SLC25A12: variants seen among roughly 807,000 people sequenced by gnomAD.
SLC25A12 encodes the protein solute carrier family 25 member 12.
In SLC25A12, 32 loss-of-function variants were observed where a neutral mutation model predicts 83.3. The ratio of observed to expected loss-of-function variants is 0.38; its 90% CI spans 0.29 to 0.52. SLC25A12 has a LOEUF of 0.52. SLC25A12 is among the 20% of genes least tolerant of loss of function. The pLI is 0.84. For synonymous variants in SLC25A12, 267 were observed against 291.1 expected (o/e 0.92, Z 0.84); for missense variants, 611 against 835.6 (o/e 0.73, Z 3.31).
intron 17 of SLC25A12, among the ~76,000 whole-genome samples, 188 bp from the exon 18 acceptor site, chr2:171,785,663 T>C (rs1304425674): frequency 6.6e-6 from 1 of 152,252 alleles, no homozygotes; most frequent in East Asian, 1.9e-4. Flanking sequence ...GCAACTTATC[T>C]ACATATTTGA....
intron 6 of SLC25A12, among the ~76,000 whole-genome samples, chr2:171,835,677 A>G (rs1684539565): frequency 6.6e-6 from 1 of 152,234 alleles, no homozygotes; most frequent in Non-Finnish European, 1.5e-5. Context: ...ATGATTGAAA[A>G]CATTCTCCTT....
intron 12 of SLC25A12, 87 bp from the exon 13 acceptor site, chr2:171,809,773 TTG>T: frequency 1.1e-6 from 1 of 939,914 alleles, no homozygotes; most frequent in Non-Finnish European, 1.8e-6. Context: ...AGCAAAATAT[TTG>T]TCTTATGATA....
At chr2:171,863,800 T>G (rs1685221350) in intron 3 of SLC25A12, among the ~76,000 whole-genome samples, 1 of 152,246 alleles carries the variant, frequency 6.6e-6, no homozygotes, top group South Asian at 2.1e-4. Flanking sequence ...TAATTAATTT[T>G]CATTTGCTTT....
intron 2 of SLC25A12, among the ~76,000 whole-genome samples, chr2:171,877,955 TA>T (rs1685608735): frequency 6.6e-6 from 1 of 152,188 alleles, no homozygotes; most frequent in Non-Finnish European, 1.5e-5. Flanking sequence ...TGGTTACTTT[TA>T]AAAAATTATA....
At chr2:171,875,910 C>CAAAAAAAAAAAAAAAAAAAAAAA (rs34276775) in intron 2 of SLC25A12, among the ~76,000 whole-genome samples, 1 of 99,002 alleles carries the variant, frequency 1.0e-5, no homozygotes, top group Non-Finnish European at 1.9e-5. Context: ...GACTCTGTCT[C>CAAAAAAAAAAAAAAAAAAAAAAA]AAAAAAAAAA....
chr2:171,874,519 G>C (rs1292653499), intron 2 of SLC25A12, among the ~76,000 whole-genome samples: 1 of 152,228 alleles, frequency 6.6e-6, no homozygotes, highest in African/African-American at 2.4e-5. Context: ...GGGAGCACAT[G>C]AAAACATTTC....
At chr2:171,796,163 T>C (rs1683593274) in intron 13 of SLC25A12, among the ~76,000 whole-genome samples, 1 of 152,176 alleles carries the variant, frequency 6.6e-6, no homozygotes, top group Non-Finnish European at 1.5e-5. Flanking sequence ...CCCAGGCTGA[T>C]CTCGAACTGC....
At chr2:171,809,772 T>A (rs1683912171) in intron 12 of SLC25A12, 86 bp from the exon 13 acceptor site, 1 of 946,050 alleles carries the variant, frequency 1.1e-6, no homozygotes. Context: ...CAGCAAAATA[T>A]TTGTCTTATG....
At chr2:171,876,682 C>G (rs1330545863) in intron 2 of SLC25A12, among the ~76,000 whole-genome samples, 2 of 151,950 alleles carry the variant, frequency 1.3e-5, no homozygotes, top group East Asian at 1.9e-4. Context: ...GTTGCCCCCC[C>G]ACACACACAT....
chr2:171,841,348 G>C (rs751088336), intron 5 of SLC25A12, among the ~76,000 whole-genome samples: 1 of 151,410 alleles, frequency 6.6e-6, no homozygotes, highest in African/African-American at 2.4e-5. Flanking sequence ...CCAAAGTGCT[G>C]GGATTACAGG....
intron 3 of SLC25A12, among the ~76,000 whole-genome samples, chr2:171,858,519 G>C (rs939035092): frequency 9.9e-5 from 15 of 152,162 alleles, no homozygotes; most frequent in African/African-American, 3.6e-4. Flanking sequence ...ATATTTATGA[G>C]AAGAGGCCAA....
chr2:171,863,961 T>C (rs1255295368), intron 3 of SLC25A12, among the ~76,000 whole-genome samples: 3 of 152,224 alleles, frequency 2.0e-5, no homozygotes, highest in Non-Finnish European at 2.9e-5. Context: ...AAACAAATAT[T>C]TGTTGAACAC....
At chr2:171,868,311 A>ATT (rs71013084) in intron 3 of SLC25A12, among the ~76,000 whole-genome samples, 1,895 of 129,464 alleles carry the variant, frequency 0.015, 46 homozygotes, top group East Asian at 0.019. Context: ...GGGTTTTTTA[A>ATT]TTTTTTTTTT....
intron 1 of SLC25A12, among the ~76,000 whole-genome samples, chr2:171,893,469 C>T (rs926247933): frequency 1.3e-5 from 2 of 152,182 alleles, no homozygotes; most frequent in African/African-American, 4.8e-5. Flanking sequence ...GCCTAAGATA[C>T]AGCAAAGCTA....
At chr2:171,890,084 C>A (rs368063427) in intron 2 of SLC25A12, among the ~76,000 whole-genome samples, 1 of 152,164 alleles carries the variant, frequency 6.6e-6, no homozygotes, top group African/African-American at 2.4e-5. Flanking sequence ...ATGGCATGGG[C>A]CTGAGAGAGC....
At chr2:171,808,049 T>C (rs1454217525) in intron 13 of SLC25A12, among the ~76,000 whole-genome samples, 1 of 152,252 alleles carries the variant, frequency 6.6e-6, no homozygotes, top group African/African-American at 2.4e-5. Flanking sequence ...GAGGAAGTTT[T>C]AGCCAAGACT....
At chr2:171,893,183 C>T (rs754805096) in intron 2 of SLC25A12, 22 bp downstream of exon 2, 42 of 1,609,590 alleles carry the variant, frequency 2.6e-5, no homozygotes, top group Middle Eastern at 1.6e-4. Flanking sequence ...CAATGAAAGG[C>T]ACACTATGCA....
Position 171,809,589 on chromosome 2 carries a change from CTA to C in SLC25A12, c.1305+15_1305+16del. Reference sequence around the variant, plus strand: ...GGAATGTATTTGTCACAAGAAGCGCCTAACAGTAATACTTACACAGCCTCCAG... The same window carrying C: ...GGAATGTATTTGTCACAAGAAGCGCCACAGTAATACTTACACAGCCTCCAG... On this transcript the variant is annotated intron_variant, in intron 13 of 17. Transcript: ENST00000422440. The C allele has an allele frequency of 6.3e-7, 1 of 1,597,482 alleles. No individual in the cohort carries two copies. The highest frequency in any genetic ancestry group is 1.7e-5 in the Admixed American group (1 of 59,998).
At chr2:171,788,771 A>T (rs1690536944) in intron 15 of SLC25A12, 1 of 152,268 alleles carries the variant, frequency 6.6e-6, no homozygotes, top group Admixed American at 6.5e-5. Flanking sequence ...GCCTTGTACG[A>T]GGTTCTGCTA....
Sources: allele counts gnomAD v4.1 joint callset (sites outside exome capture counted in the v4.1 genomes callset), GRCh38; gene constraint gnomAD v4.1.1; transcripts MANE v1.5; gene names NCBI Gene and HGNC (gene_info 2026-07-23, HGNC 2026-07-21).